The following ATP10A variants were observed in gnomAD, a reference collection of about 807,000 sequenced individuals.
ATP10A encodes ATPase phospholipid transporting 10A (putative).
A neutral mutation model predicts 147.8 loss-of-function variants in ATP10A; 111 were observed. The ratio of observed to expected loss-of-function variants is 0.75; its 90% CI spans 0.64 to 0.88. The LOEUF is 0.88. Among genes scored for constraint, ATP10A ranks in the 40% least tolerant of loss-of-function variants. The pLI is 0.00. For missense variants in ATP10A, 1,927 were observed against 1,959.0 expected, an observed-to-expected ratio of 0.98 and a Z score of 0.31; for synonymous variants, 875 against 841.6, an observed-to-expected ratio of 1.04 and a Z score of -0.69.
intron 1 of ATP10A, among the ~76,000 whole-genome samples, chr15:25,859,376 G>A (rs1233084172): frequency 1.3e-5 from 2 of 152,214 alleles, no homozygotes; most frequent in African/African-American, 4.8e-5. Flanking sequence ...GGCTCACTGA[G>A]TGGCAGGGTC....
chr15:25,821,662 G>A (rs575181209), intron 1 of ATP10A, among the ~76,000 whole-genome samples: 74 of 152,222 alleles, frequency 4.9e-4, no homozygotes, highest in African/African-American at 1.5e-3. Context: ...TCTATGCCCA[G>A]GTCAAAACAA....
In ATP10A at chr15:25,862,838, C is replaced by A. The variant is rs771705305; in HGVS notation, c.259G>T (p.Ala87Ser). ...KNLFEQFHRP[A>S]NVYFVFIALL... ...GCGATGAAGACAAAGTACACGTTGG[C>A]CGGGCGGTGGAACTGCTCGAACAGG... is the stretch of plus-strand genomic sequence containing the variant. Residue 87 changes from alanine (A) to serine (S), a missense_variant, in exon 1 of 21, where the codon GCC (alanine) becomes TCC (serine). Physicochemically the swap from Ala to Ser is moderately conservative, Grantham distance 99. Transcript: ENST00000555815. 3 of 1,609,394 alleles carry A rather than the reference C, an allele frequency of 1.9e-6. No homozygotes were observed. The highest frequency in any genetic ancestry group is 2.5e-6 in the Non-Finnish European group (3 of 1,177,968).
chr15:25,674,481 G>C (rs1899099522), downstream of ATP10A, among the ~76,000 whole-genome samples: 1 of 152,120 alleles, frequency 6.6e-6, no homozygotes, highest in Non-Finnish European at 1.5e-5. Flanking sequence ...CCCCTTCTTT[G>C]TTTTATTTAG....
chr15:25,695,007 C>T lies in ATP10A; in HGVS notation c.2900G>A (p.Gly967Asp). The change falls in exon 14 of 21, where the codon GGC becomes GAC. Residue 967 changes from glycine (G) to aspartate (D), a missense_variant. Gly to Asp is a moderately conservative substitution (Grantham distance 94, BLOSUM62 -1). Coordinates refer to ENST00000555815, the MANE Select transcript of ATP10A (RefSeq NM_024490.4). ...LCPPSTSTAS[G>D]RRPSLVIDGR... ...ATCGATCACGAGGCTGGGTCTGCGGCCAGAGGCAGTGGACGTGGAGGGTGG... is the reference window on the plus strand; with the variant it reads ...ATCGATCACGAGGCTGGGTCTGCGGTCAGAGGCAGTGGACGTGGAGGGTGG... The T allele has an allele frequency of 1.9e-6, 3 of 1,614,186 alleles. No individual in the cohort carries two copies.
At chr15:25,771,687 C>T (rs982657718) in intron 2 of ATP10A, among the ~76,000 whole-genome samples, 1 of 152,068 alleles carries the variant, frequency 6.6e-6, no homozygotes, top group Non-Finnish European at 1.5e-5. Flanking sequence ...GCCTACCTGC[C>T]CCTCTTCCTG....
At chr15:25,737,116 C>T (rs966244668) in intron 2 of ATP10A, among the ~76,000 whole-genome samples, 1 of 152,166 alleles carries the variant, frequency 6.6e-6, no homozygotes, top group Non-Finnish European at 1.5e-5. Flanking sequence ...AATCGTAGCT[C>T]GATTCAATAA....
chr15:25,843,545 C>T (rs1288672494), intron 1 of ATP10A, among the ~76,000 whole-genome samples: 6 of 152,064 alleles, frequency 3.9e-5, no homozygotes, highest in African/African-American at 4.8e-5. Flanking sequence ...ATTTGCATCC[C>T]GCATCACAGC....
At chr15:25,793,033 G>A (rs1430527554) in intron 1 of ATP10A, among the ~76,000 whole-genome samples, 1 of 151,946 alleles carries the variant, frequency 6.6e-6, no homozygotes, top group Non-Finnish European at 1.5e-5. Context: ...ACCATGCCCA[G>A]CTAATTTTTG....
intron 2 of ATP10A, among the ~76,000 whole-genome samples, chr15:25,780,540 C>T (rs920533334): frequency 6.6e-6 from 1 of 152,150 alleles, no homozygotes; most frequent in African/African-American, 2.4e-5. Flanking sequence ...AGCCTCTCAC[C>T]CCTCACCCTG....
downstream of ATP10A, among the ~76,000 whole-genome samples, chr15:25,672,390 C>T (rs953840987): frequency 3.9e-5 from 6 of 152,176 alleles, no homozygotes; most frequent in South Asian, 8.3e-4. Flanking sequence ...ATTCATCTGT[C>T]GGCCGACATG....
chr15:25,767,041 C>T (rs117865171), intron 2 of ATP10A, among the ~76,000 whole-genome samples: 2,183 of 152,288 alleles, frequency 0.014, 22 homozygotes, highest in Middle Eastern at 0.031. Context: ...AGGGCTGCTC[C>T]GCTACGTAGC....
chr15:25,691,904 C>T (rs1011737646), intron 14 of ATP10A, 113 bp from the exon 15 acceptor site: 4 of 1,252,642 alleles, frequency 3.2e-6, no homozygotes, highest in African/African-American at 2.9e-5. Flanking sequence ...GTGAAAGCGT[C>T]CTGGGGAAGA....
Position 25,817,746 on chromosome 15 carries a change from C to T in ATP10A, c.450-36523G>A, listed in dbSNP as rs181971746. On this transcript the variant is annotated intron_variant, in intron 1 of 20. Transcript: ENST00000555815. ...GTTCAGCTCAATACATGGATATCCACCTCTACACATTATTTAACCTTTCCT... is the reference window on the plus strand; with the variant it reads ...GTTCAGCTCAATACATGGATATCCATCTCTACACATTATTTAACCTTTCCT... Among the ~76,000 whole-genome samples, 483 of 152,276 alleles carry T rather than the reference C, an allele frequency of 3.2e-3. 7 individuals carry two copies. The highest frequency in any genetic ancestry group is 0.011 in the African/African-American group (458 of 41,558).
intron 1 of ATP10A, among the ~76,000 whole-genome samples, chr15:25,823,384 T>C (rs545537441): frequency 4.2e-4 from 64 of 152,340 alleles, no homozygotes; most frequent in Middle Eastern, 3.4e-3. Context: ...ATTACACCCA[T>C]TTAATAGAGG....
downstream of ATP10A, among the ~76,000 whole-genome samples, chr15:25,672,971 C>T (rs139718506): frequency 6.6e-5 from 10 of 152,192 alleles, no homozygotes; most frequent in East Asian, 1.7e-3. Flanking sequence ...GACACTTGTA[C>T]GGATGTGTGC....
At chr15:25,800,862 T>C (rs1890905183) in intron 1 of ATP10A, among the ~76,000 whole-genome samples, 1 of 152,178 alleles carries the variant, frequency 6.6e-6, no homozygotes, top group Non-Finnish European at 1.5e-5. Context: ...TTACCAATAT[T>C]ACAACGACAT....
At chr15:25,716,469 C>T (rs1901813137) in intron 9 of ATP10A, among the ~76,000 whole-genome samples, 2 of 152,220 alleles carry the variant, frequency 1.3e-5, no homozygotes, top group South Asian at 2.1e-4. Context: ...CTCCCAGGCT[C>T]AGAAGTCATC....
At chr15:25,733,806 G>A (rs529670454) in intron 3 of ATP10A, among the ~76,000 whole-genome samples, 1 of 152,366 alleles carries the variant, frequency 6.6e-6, no homozygotes, top group Admixed American at 6.5e-5. Context: ...CATGACTGAG[G>A]GCAAAGCAGG....
chr15:25,806,465 A>G (rs1320172455), intron 1 of ATP10A, among the ~76,000 whole-genome samples: 2 of 151,930 alleles, frequency 1.3e-5, no homozygotes, highest in African/African-American at 2.4e-5. Flanking sequence ...GGCGCCTGCC[A>G]CCACGCCCAG....
Sources: allele counts gnomAD v4.1 joint callset (sites outside exome capture counted in the v4.1 genomes callset), GRCh38; gene constraint gnomAD v4.1.1; transcripts MANE v1.5; gene names NCBI Gene and HGNC (gene_info 2026-07-23, HGNC 2026-07-21).